Variants in NRG1 observed in about 807,000 individuals in gnomAD.
NRG1 encodes pro-neuregulin-1, membrane-bound isoform.
Under a neutral mutation model 63.8 loss-of-function variants are expected in NRG1, and 18 were observed. The observed-to-expected ratio is 0.28, with a 90% confidence interval of 0.19 to 0.42. The LOEUF is 0.42. Ranked by LOEUF, NRG1 falls within the 10% of genes least tolerant of loss-of-function variation. The pLI, the probability that NRG1 is intolerant of heterozygous loss-of-function variation, is 1.00. For synonymous variants in NRG1, 302 were observed against 301.3 expected, an observed-to-expected ratio of 1.00 and a Z score of -0.02; for missense variants, 762 against 814.7, an observed-to-expected ratio of 0.94 and a Z score of 0.79.
chr8:31,849,024 G>T (rs1826957990), intron 1 of NRG1, among the ~76,000 whole-genome samples: 1 of 152,172 alleles, frequency 6.6e-6, no homozygotes, highest in Non-Finnish European at 1.5e-5. Flanking sequence ...AGCTTTAATA[G>T]ACTCAGAGGC....
chr8:32,218,054 GT>G (rs1845428201), intron 1 of NRG1, among the ~76,000 whole-genome samples: 1 of 152,224 alleles, frequency 6.6e-6, no homozygotes, highest in African/African-American at 2.4e-5. Context: ...ATGATGGATA[GT>G]TATCTTAAAC....
chr8:31,806,743 A>G (rs187240554), intron 1 of NRG1, among the ~76,000 whole-genome samples: 155 of 152,264 alleles, frequency 1.0e-3, no homozygotes, highest in Admixed American at 8.4e-3. Flanking sequence ...ATGAATAGTG[A>G]TTTTATTTGG....
Position 32,651,134 on chromosome 8 carries a change from C to A in NRG1, c.502+34249C>A, listed in dbSNP as rs149261214. Among the ~76,000 whole-genome samples the A allele has an allele frequency of 7.7e-3, 1,176 of 152,176 alleles. 4 individuals carry two copies. Among genetic ancestry groups the A allele is most frequent in the Middle Eastern group, 0.024 (7 of 292 alleles). On this transcript the variant is annotated intron_variant, in intron 5 of 11. Coordinates refer to ENST00000356819, the Ensembl canonical transcript of NRG1. ...TCTTTGTCTTTGTTATAATAAAAGG[C>A]AAAATATGACATTTTAAATTGCCTT...
At chr8:31,810,518 G>A (rs1042827725) in intron 1 of NRG1, among the ~76,000 whole-genome samples, 4 of 152,106 alleles carry the variant, frequency 2.6e-5, no homozygotes, top group African/African-American at 7.2e-5. Context: ...ATTTTGGGGA[G>A]TATGTTCCCA....
At chr8:31,962,770 T>C (rs956047211) in intron 1 of NRG1, among the ~76,000 whole-genome samples, 2 of 152,186 alleles carry the variant, frequency 1.3e-5, no homozygotes, top group South Asian at 4.1e-4. Flanking sequence ...GCCATTTCTC[T>C]TATATTCAAA....
At chr8:32,607,602 T>C (rs1482218457) in intron 3 of NRG1, among the ~76,000 whole-genome samples, 1 of 152,166 alleles carries the variant, frequency 6.6e-6, no homozygotes, top group African/African-American at 2.4e-5. Context: ...TTGGGGGTAC[T>C]GAAAGTTTGA....
chr8:32,354,384 C>CA (rs34140415), intron 1 of NRG1, among the ~76,000 whole-genome samples: 1 of 151,778 alleles, frequency 6.6e-6, no homozygotes, highest in East Asian at 1.9e-4. Flanking sequence ...ACAACAACAA[C>CA]AAAAAGTGTA....
chr8:32,439,300 G>A (rs907090106), intron 1 of NRG1, among the ~76,000 whole-genome samples: 36 of 152,082 alleles, frequency 2.4e-4, no homozygotes, highest in Admixed American at 1.5e-3. Context: ...GAGGAATGAG[G>A]ATACAAAACT....
At chr8:31,805,551 G>T (rs1317344260) in intron 1 of NRG1, among the ~76,000 whole-genome samples, 1 of 151,898 alleles carries the variant, frequency 6.6e-6, no homozygotes, top group South Asian at 2.1e-4. Context: ...AATACCGGCC[G>T]GGCGCGGTGG....
At chr8:32,112,653 GT>G in intron 1 of NRG1, among the ~76,000 whole-genome samples, 1 of 152,164 alleles carries the variant, frequency 6.6e-6, no homozygotes, top group Non-Finnish European at 1.5e-5. Context: ...CTGAGTTAAT[GT>G]TTATTTGTGG....
intron 1 of NRG1, among the ~76,000 whole-genome samples, chr8:31,871,852 G>T (rs1008439100): frequency 1.3e-5 from 2 of 152,138 alleles, no homozygotes; most frequent in Non-Finnish European, 2.9e-5. Context: ...AAAATTGATT[G>T]CTTTTACTGT....
chr8:32,531,596 G>A (rs1240550746), intron 1 of NRG1, among the ~76,000 whole-genome samples: 1 of 152,172 alleles, frequency 6.6e-6, no homozygotes, highest in Non-Finnish European at 1.5e-5. Flanking sequence ...TATTGTGGCA[G>A]TATAAAATGA....
intron 1 of NRG1, among the ~76,000 whole-genome samples, chr8:32,499,296 T>G (rs928752630): frequency 2.6e-5 from 4 of 152,138 alleles, no homozygotes; most frequent in African/African-American, 9.7e-5. Flanking sequence ...GGCATTTCTA[T>G]GAAAACAAAA....
intron 1 of NRG1, among the ~76,000 whole-genome samples, chr8:32,578,631 TA>T (rs1329725253): frequency 6.6e-6 from 1 of 152,174 alleles, no homozygotes; most frequent in Non-Finnish European, 1.5e-5. Context: ...TTCATGACCA[TA>T]AGGTTGGTTT....
At chr8:32,744,636 T>C (rs558182605) in intron 7 of NRG1, among the ~76,000 whole-genome samples, 15 of 152,116 alleles carry the variant, frequency 9.9e-5, no homozygotes, top group Non-Finnish European at 1.0e-4. Context: ...TATTTTAGAC[T>C]TTAATGACAA....
At chr8:31,722,578 G>C (rs1340457931) in intron 1 of NRG1, among the ~76,000 whole-genome samples, 1 of 152,038 alleles carries the variant, frequency 6.6e-6, no homozygotes, top group Non-Finnish European at 1.5e-5. Flanking sequence ...ATCAAGCCTT[G>C]CTCTCTTTGA....
At chr8:32,262,786 C>T (rs965583768) in intron 1 of NRG1, among the ~76,000 whole-genome samples, 3 of 151,870 alleles carry the variant, frequency 2.0e-5, no homozygotes, top group Non-Finnish European at 4.4e-5. Flanking sequence ...GTTTTTCTTT[C>T]GAATGTTGAA....
chr8:32,548,717 C>T (rs1833449686), exon 1 of NRG1: 1 of 1,572,820 alleles, frequency 6.4e-7, no homozygotes, highest in Non-Finnish European at 8.6e-7. Flanking sequence ...AGCGCTCCGT[C>T]TCCGGCGAGA....
At chr8:32,646,949 GGAAA>G (rs1481007813) in intron 5 of NRG1, 2 of 984,912 alleles carry the variant, frequency 2.0e-6, no homozygotes, top group East Asian at 2.3e-4. Context: ...GATGAAGAAG[GGAAA>G]GAAAGAGAAA....
Sources: gnomAD v4.1 joint callset for allele counts (sites outside exome capture counted in the v4.1 genomes callset) on GRCh38, gnomAD v4.1.1 for gene constraint, MANE v1.5 for transcripts, NCBI Gene and HGNC (gene_info 2026-07-23, HGNC 2026-07-21) for gene names.